PAPOLA: variants seen among roughly 807,000 people sequenced by gnomAD.
PAPOLA encodes the protein poly(A) polymerase alpha, also known as polynucleotide adenylyltransferase alpha.
PAPOLA carries 15 observed loss-of-function variants against 100.6 expected under a neutral mutation model. That is an observed-to-expected ratio of 0.15 (90% CI 0.10 to 0.23). The LOEUF (loss-of-function observed/expected upper bound fraction) is 0.23, where lower values mean the gene tolerates loss of function less well. Among genes scored for constraint, PAPOLA ranks in the 10% least tolerant of loss-of-function variants. The pLI, the probability that PAPOLA is intolerant of heterozygous loss-of-function variation, is 1.00. For synonymous variants in PAPOLA, 293 were observed against 300.0 expected, an observed-to-expected ratio of 0.98 and a Z score of 0.24; for missense variants, 533 against 884.2, an observed-to-expected ratio of 0.60 and a Z score of 5.04.
At chr14:96,562,621 T>C (rs1291363331) in intron 20 of PAPOLA, 198 bp from the exon 21 acceptor site, 1 of 394,806 alleles carries the variant, frequency 2.5e-6, no homozygotes, top group Non-Finnish European at 4.7e-6. Context: ...AGTAGGCAAA[T>C]AGAAATTTAT....
intron 12 of PAPOLA, 99 bp downstream of exon 12, chr14:96,537,159 A>G: frequency 9.5e-6 from 7 of 736,888 alleles, no homozygotes; most frequent in Non-Finnish European, 1.7e-5. Flanking sequence ...ATGTTATTGG[A>G]AGAATTTTCT....
chr14:96,503,900 G>A (rs1445276035), intron 1 of PAPOLA, among the ~76,000 whole-genome samples: 1 of 152,124 alleles, frequency 6.6e-6, no homozygotes, highest in Non-Finnish European at 1.5e-5. Flanking sequence ...TATTTTAAAA[G>A]GATTTTCCAT....
chr14:96,519,116 A>G (rs1897728464), intron 1 of PAPOLA, among the ~76,000 whole-genome samples: 1 of 149,734 alleles, frequency 6.7e-6, no homozygotes. Flanking sequence ...TTTGGTAGAG[A>G]CAGGGTTTCA....
At chr14:96,525,795 G>A (rs947779307) in intron 4 of PAPOLA, among the ~76,000 whole-genome samples, 2 of 152,162 alleles carry the variant, frequency 1.3e-5, no homozygotes, top group Non-Finnish European at 2.9e-5. Flanking sequence ...AGTTTCAGTA[G>A]AGGTAGCCAC....
At chr14:96,542,097 T>G (rs1900041846) in intron 12 of PAPOLA, 146 bp from the exon 13 acceptor site, 1 of 482,310 alleles carries the variant, frequency 2.1e-6, no homozygotes, top group African/African-American at 2.0e-5. Flanking sequence ...TTAGCATATA[T>G]GATTTTATGT....
chr14:96,562,709 A>T (rs1352977127), intron 20 of PAPOLA, 110 bp from the exon 21 acceptor site: 1 of 638,920 alleles, frequency 1.6e-6, no homozygotes, highest in Non-Finnish European at 2.8e-6. Context: ...CTTTCTCTTG[A>T]TCCCTCCTGT....
chr14:96,514,180 C>CTTTT (rs201921706), intron 1 of PAPOLA, among the ~76,000 whole-genome samples: 8 of 138,900 alleles, frequency 5.8e-5, no homozygotes, highest in African/African-American at 2.1e-4. Flanking sequence ...CATTAGGTAT[C>CTTTT]TTTTTTTTTT....
chr14:96,542,075 G>A (rs919550051), intron 12 of PAPOLA, 168 bp from the exon 13 acceptor site: 2 of 448,908 alleles, frequency 4.5e-6, no homozygotes, highest in African/African-American at 4.0e-5. Context: ...CTAGTAGTTA[G>A]AAACATGGAA....
chr14:96,537,202 C>A (rs1899610451), intron 12 of PAPOLA, 142 bp downstream of exon 12: 4 of 610,824 alleles, frequency 6.5e-6, no homozygotes, highest in Non-Finnish European at 1.2e-5. Context: ...TTTTAGTGAA[C>A]TCCTTAGTTT....
rs951048641 is a variant in PAPOLA at position 96,542,392 on chromosome 14, T to C, written c.1169+96T>C. 3 of 749,080 alleles carry C rather than the reference T, an allele frequency of 4.0e-6. No homozygotes were observed. In the African/African-American group the frequency reaches 5.3e-5, roughly 13 times the overall value. The allele number at this position is 749,080 out of a possible 1,614,324, so 46.4% of individuals were successfully genotyped here. ...GGAGATGGGAGGAAGTCCTTAAAAC[T>C]TCTAGTTTGGTTTGATTTGTTCACA... is the stretch of plus-strand genomic sequence containing the variant. On this transcript the variant is annotated intron_variant, in intron 13 of 21. Transcript: ENST00000216277.
rs1889572799 is a variant in PAPOLA, at chr14:96,566,067, G to T, written c.*1017G>T. On this transcript the variant is annotated 3_prime_UTR_variant, in exon 22 of 22. Transcript: ENST00000216277. ...CCTGTGAAACATGATATCTATCTGG[G>T]ATGGCCATTTGATCTCTAAAAGGAA... 1 of 395,754 alleles carries T rather than the reference G, an allele frequency of 2.5e-6. No homozygotes were observed. Among genetic ancestry groups the T allele is most frequent in the African/African-American group, 2.1e-5 (1 of 48,508 alleles). 24.5% of individuals were successfully genotyped at this position (395,754 alleles called of 1,614,324 possible).
chr14:96,536,829 G>A (rs746174478), intron 11 of PAPOLA, 147 bp from the exon 12 acceptor site: 3 of 575,888 alleles, frequency 5.2e-6, no homozygotes, highest in African/African-American at 3.8e-5. Flanking sequence ...ATATATAAGA[G>A]TATGCTCTAA....
At chr14:96,553,027 T>G (rs1259144104) in intron 17 of PAPOLA, 1 of 156,586 alleles carries the variant, frequency 6.4e-6, no homozygotes, top group Non-Finnish European at 1.4e-5. Context: ...GAAACCTGTT[T>G]TAGAAGAGCT....
intron 6 of PAPOLA, among the ~76,000 whole-genome samples, chr14:96,530,060 T>C (rs367822592): frequency 6.6e-6 from 1 of 152,338 alleles, no homozygotes; most frequent in African/African-American, 2.4e-5. Context: ...TTTGGCTAAA[T>C]GTAAGGATGT....
At chr14:96,520,324 G>T in intron 2 of PAPOLA, 96 bp downstream of exon 2, 1 of 900,212 alleles carries the variant, frequency 1.1e-6, no homozygotes. Flanking sequence ...AGAAGACCAG[G>T]GTTATTTGCC....
At chr14:96,541,681 T>C (rs1167962203) in intron 12 of PAPOLA, among the ~76,000 whole-genome samples, 1 of 152,202 alleles carries the variant, frequency 6.6e-6, no homozygotes, top group Non-Finnish European at 1.5e-5. Context: ...TGATTTTTTT[T>C]TTCTTTTTTG....
chr14:96,519,901 C>G (rs1248909406), intron 1 of PAPOLA, among the ~76,000 whole-genome samples, 154 bp from the exon 2 acceptor site: 1 of 152,128 alleles, frequency 6.6e-6, no homozygotes, highest in East Asian at 1.9e-4. Flanking sequence ...TGGTCACTTG[C>G]TTTTGGTCAC....
At chr14:96,548,564 C>A (rs571945375) in intron 16 of PAPOLA, among the ~76,000 whole-genome samples, 1 of 151,910 alleles carries the variant, frequency 6.6e-6, no homozygotes, top group African/African-American at 2.4e-5. Context: ...ATGGTTTATT[C>A]TTATAATGGA....
At chr14:96,507,280 G>GTTTTTTTTTT (rs71103533) in intron 1 of PAPOLA, among the ~76,000 whole-genome samples, 10 of 80,722 alleles carry the variant, frequency 1.2e-4, no homozygotes, top group African/African-American at 2.8e-4. Context: ...TTGGAAAATA[G>GTTTTTTTTTT]TTTTTTTTTT....
Sources: gnomAD v4.1 joint callset for allele counts (sites outside exome capture counted in the v4.1 genomes callset) on GRCh38, gnomAD v4.1.1 for gene constraint, MANE v1.5 for transcripts, NCBI Gene and HGNC (gene_info 2026-07-23, HGNC 2026-07-21) for gene names.